MID1: variants seen among roughly 807,000 people sequenced by gnomAD.
The protein encoded by MID1 is midline 1, also known as E3 ubiquitin-protein ligase Midline-1.
Under a neutral mutation model 40.4 loss-of-function variants are expected in MID1, and 7 were observed. The ratio of observed to expected loss-of-function variants is 0.17; its 90% CI spans 0.10 to 0.33. The LOEUF is 0.33. MID1 is among the 10% of genes least tolerant of loss of function. The pLI is 1.00. For synonymous variants in MID1, 229 were observed against 221.2 expected (o/e 1.04, Z -0.31); for missense variants, 367 against 558.5 (o/e 0.66, Z 3.46).
chrX:10,727,464 T>G (rs780694187), intron 1 of MID1, among the ~76,000 whole-genome samples: 3 of 112,859 alleles, frequency 2.7e-5, no homozygotes, highest in Admixed American at 9.3e-5. Context: ...TATAAAGGAT[T>G]AGTCCATCAG....
intron 1 of MID1, among the ~76,000 whole-genome samples, chrX:10,573,392 A>C (rs929758537): frequency 8.9e-6 from 1 of 112,104 alleles, no homozygotes; most frequent in Non-Finnish European, 1.9e-5. Flanking sequence ...ACTTTGCTTT[A>C]TAACAACTCC....
chrX:10,563,686 AT>A (rs770275092), intron 2 of MID1, among the ~76,000 whole-genome samples: 6 of 111,537 alleles, frequency 5.4e-5, no homozygotes, highest in Non-Finnish European at 7.5e-5. Flanking sequence ...TGCTACCTTA[AT>A]TTTCTCTTTG....
chrX:10,549,577 G>C (rs958875421), intron 2 of MID1, among the ~76,000 whole-genome samples: 4 of 113,705 alleles, frequency 3.5e-5, no homozygotes, highest in African/African-American at 1.3e-4. Flanking sequence ...TTAGTAGCTA[G>C]TCCTTTACGG....
At chrX:10,451,043 T>TC (rs1447378498) in intron 9 of MID1, among the ~76,000 whole-genome samples, 1 of 111,835 alleles carries the variant, frequency 8.9e-6, no homozygotes, top group East Asian at 2.8e-4. Context: ...ATACAATCAC[T>TC]TTAAGAGTGG....
Position 10,567,356 on chromosome X carries a change from G to A in MID1, c.192C>T (p.Thr64=), listed in dbSNP as rs773499423. Residue 64 remains threonine (T), a synonymous_variant, in exon 2 of 10, where the codon ACC becomes ACT. Coordinates refer to ENST00000317552, the MANE Select transcript of MID1 (RefSeq NM_000381.4). ...FQCPTCRHVI[T]LSQRGLDGLK... ...GCCCGTCTAGACCTCGCTGGCTGAGGGTGATGACATGCCGGCAGGTGGGGC... is the reference window on the plus strand; with the variant it reads ...GCCCGTCTAGACCTCGCTGGCTGAGAGTGATGACATGCCGGCAGGTGGGGC... The A allele has an allele frequency of 1.6e-5, 19 of 1,197,143 alleles. No individual in the cohort carries two copies. The East Asian group carries it at 4.5e-4, about 28-fold the overall frequency.
intron 1 of MID1, among the ~76,000 whole-genome samples, chrX:10,595,647 C>T (rs1407272757): frequency 9.0e-6 from 1 of 111,726 alleles, no homozygotes; most frequent in Non-Finnish European, 1.9e-5. Flanking sequence ...AACAGTGGTT[C>T]CCAGAGGCTG....
chrX:10,690,336 C>T (rs150559450), intron 1 of MID1, among the ~76,000 whole-genome samples: 2,154 of 111,447 alleles, frequency 0.019, 50 homozygotes, highest in African/African-American at 0.067. Flanking sequence ...ATTTCCAAAC[C>T]GGGCTAAAAT....
chrX:10,722,915 A>G (rs754033162), intron 1 of MID1, among the ~76,000 whole-genome samples: 2 of 111,423 alleles, frequency 1.8e-5, no homozygotes, highest in South Asian at 7.6e-4. Flanking sequence ...GAATTTAAAG[A>G]ACCTCTTTGC....
chrX:10,742,798 T>C (rs2043532527), intron 1 of MID1, among the ~76,000 whole-genome samples: 1 of 112,271 alleles, frequency 8.9e-6, no homozygotes, highest in African/African-American at 3.2e-5. Context: ...GACTAATGCA[T>C]TAACTTCAAC....
At chrX:10,794,375 T>G (rs2043954519) in intron 1 of MID1, among the ~76,000 whole-genome samples, 1 of 112,254 alleles carries the variant, frequency 8.9e-6, no homozygotes, top group South Asian at 3.7e-4. Context: ...CAAGTGCTAA[T>G]GCAGTCATAA....
At position 10,704,716 on chromosome X, in the gene MID1, G is replaced by GTATATATATATATA. The variant is rs771605675; in HGVS notation, c.-186-84311_-186-84298dup. Among the ~76,000 whole-genome samples, 14 of 78,079 alleles carry GTATATATATATATA rather than the reference G, an allele frequency of 1.8e-4. No individual in the cohort carries two copies. In the South Asian group the frequency reaches 2.1e-3, roughly 12 times the overall value. 67.8% of individuals were successfully genotyped at this position (78,079 alleles called of 115,157 possible). On this transcript the variant is annotated intron_variant, in intron 1 of 10. Transcript: ENST00000380785. ...TGTATATATATGCATGTGTGTGTGT[G>GTATATATATATATA]TATATATATATATATATATATATAC...
intron 1 of MID1, among the ~76,000 whole-genome samples, chrX:10,573,406 C>A (rs1934791257): frequency 8.9e-6 from 1 of 112,044 alleles, no homozygotes; most frequent in South Asian, 3.7e-4. Context: ...CAACTCCATT[C>A]TCATGGGAAC....
At chrX:10,524,885 G>A (rs913125865) in intron 2 of MID1, among the ~76,000 whole-genome samples, 10 of 112,066 alleles carry the variant, frequency 8.9e-5, no homozygotes, top group African/African-American at 2.9e-4. Context: ...TCTTCCATGG[G>A]CAGGGAATAG....
intron 1 of MID1, among the ~76,000 whole-genome samples, chrX:10,663,856 T>C (rs2042933193): frequency 8.9e-6 from 1 of 112,211 alleles, no homozygotes; most frequent in Admixed American, 9.4e-5. Flanking sequence ...CCTATGTATA[T>C]TGAATGTGTT....
intron 1 of MID1, among the ~76,000 whole-genome samples, chrX:10,591,726 C>A (rs1935306099): frequency 9.5e-6 from 1 of 105,739 alleles, no homozygotes; most frequent in South Asian, 5.0e-4. Context: ...AGAAGCAATT[C>A]TTTGCATGGG....
chrX:10,646,330 A>G (rs772637454), intron 1 of MID1, among the ~76,000 whole-genome samples: 1 of 112,055 alleles, frequency 8.9e-6, no homozygotes, highest in African/African-American at 3.2e-5. Context: ...ACTGAAAATT[A>G]CTTCCAGCTT....
At chrX:10,496,334 T>A (rs141710821) in intron 3 of MID1, among the ~76,000 whole-genome samples, 29 of 112,485 alleles carry the variant, frequency 2.6e-4, no homozygotes, top group African/African-American at 9.3e-4. Context: ...AGCATAACAT[T>A]CATGTGGAAA....
At chrX:10,547,182 A>G (rs2147421506) in intron 2 of MID1, among the ~76,000 whole-genome samples, 1 of 111,722 alleles carries the variant, frequency 9.0e-6, no homozygotes, top group Admixed American at 9.5e-5. Context: ...AGTTCCAGCT[A>G]CTCTGGAGGC....
At chrX:10,699,891 C>T (rs891216833) in intron 1 of MID1, among the ~76,000 whole-genome samples, 4 of 108,223 alleles carry the variant, frequency 3.7e-5, no homozygotes, top group Non-Finnish European at 7.7e-5. Flanking sequence ...GGGGCGATCT[C>T]GGCTCACTGC....
Sources: gnomAD v4.1 joint callset for allele counts (sites outside exome capture counted in the v4.1 genomes callset) on GRCh38, gnomAD v4.1.1 for gene constraint, MANE v1.5 for transcripts, NCBI Gene and HGNC (gene_info 2026-07-23, HGNC 2026-07-21) for gene names.